ZFP62: variants seen among roughly 807,000 people sequenced by gnomAD.
The protein encoded by ZFP62 is ZFP62 zinc finger protein.
ZFP62 carries 44 observed loss-of-function variants against 56.4 expected under a neutral mutation model. That is an observed-to-expected ratio of 0.78 (90% CI 0.61 to 1.00). The LOEUF is 1.00. Ranked by LOEUF, ZFP62 falls within the 50% of genes least tolerant of loss-of-function variation. The probability of loss-of-function intolerance (pLI) is 0.00; values close to 1 mark genes in which losing one functional copy is unlikely to be tolerated. For synonymous variants in ZFP62, 421 were observed against 388.9 expected, an observed-to-expected ratio of 1.08 and a Z score of -0.97; for missense variants, 1,030 against 1,085.7, an observed-to-expected ratio of 0.95 and a Z score of 0.72.
chr5:180,852,354 G>A (rs529341571), intron 1 of ZFP62, among the ~76,000 whole-genome samples: 35 of 152,176 alleles, frequency 2.3e-4, no homozygotes, highest in Non-Finnish European at 4.4e-4. Flanking sequence ...TCAAGAGATC[G>A]AGACCATCCT....
chr5:180,850,751 A>G lies in ZFP62; in HGVS notation c.744T>C (p.Thr248=). 5 of 1,606,272 alleles carry G rather than the reference A, an allele frequency of 3.1e-6. No individual in the cohort carries two copies. The highest frequency in any genetic ancestry group is 4.3e-6 in the Non-Finnish European group (5 of 1,176,204). Residue 248 remains threonine (T), a synonymous_variant, in exon 2 of 2, where the codon ACT becomes ACC. Coordinates refer to ENST00000502412, the MANE Select transcript of ZFP62 (RefSeq NM_001172638.2). ...CACCACATTCATAGGGCTTCTCCCC[A>G]GTGTGGATCCTTTTATGCTGGTCCA... ...SVLDQHKRIH[T]GEKPYECGEC...
intron 1 of ZFP62, 40 bp from the exon 2 acceptor site, chr5:180,851,533 T>TAA (rs112485824): frequency 7.3e-5 from 107 of 1,460,018 alleles, no homozygotes; most frequent in African/African-American, 5.8e-4. Context: ...TTCACTCTCT[T>TAA]AAAAAAAAAC....
At chr5:180,829,782 G>A in the ZFP62 span, among the ~76,000 whole-genome samples, 7 of 152,192 alleles carry the variant, frequency 4.6e-5, no homozygotes, top group Admixed American at 1.3e-4. Context: ...CCTCGGAGCC[G>A]ACACTGAAAG....
At chr5:180,829,515 C>G in the ZFP62 span, among the ~76,000 whole-genome samples, 1 of 152,216 alleles carries the variant, frequency 6.6e-6, no homozygotes, top group African/African-American at 2.4e-5. Flanking sequence ...TCTTTGTACT[C>G]TTTATTTCTC....
chr5:180,855,599 TC>T (rs994201025), intron 1 of ZFP62, among the ~76,000 whole-genome samples: 1 of 152,024 alleles, frequency 6.6e-6, no homozygotes, highest in Non-Finnish European at 1.5e-5. Context: ...CTGCCCAGGA[TC>T]CCTCTCAATT....
At chr5:180,844,608 G>A (rs1294944719), downstream of ZFP62, among the ~76,000 whole-genome samples, 2 of 152,200 alleles carry the variant, frequency 1.3e-5, no homozygotes, top group Non-Finnish European at 2.9e-5. Flanking sequence ...AAAGGCAAGC[G>A]TGAGGCAGCC....
Position 180,851,100 on chromosome 5 carries a change from T to C in ZFP62, c.395A>G (p.Gln132Arg). The C allele has an allele frequency of 1.3e-6, 2 of 1,551,764 alleles. No individual in the cohort carries two copies. Among genetic ancestry groups the C allele is most frequent in the South Asian group, 1.2e-5 (1 of 84,064 alleles). Residue 132 changes from glutamine (Q) to arginine (R), a missense_variant, in exon 2 of 2, where the codon CAG becomes CGG. Coordinates refer to ENST00000502412, the MANE Select transcript of ZFP62 (RefSeq NM_001172638.2). ...TAATTTCTTAACAGCATTGGTTTTC[T>C]GCTGTAGACTAGGGTAGGAGGTTCC... ...INGTSYPSLQQKTNAVKKLHK... is the reference protein window; with the variant it reads ...INGTSYPSLQRKTNAVKKLHK...
At chr5:180,844,136 TTCA>T (rs1638435739), downstream of ZFP62, among the ~76,000 whole-genome samples, 4 of 152,238 alleles carry the variant, frequency 2.6e-5, no homozygotes, top group Admixed American at 2.6e-4. Context: ...TGTTTGCTGT[TTCA>T]TCAACTTTTG....
At chr5:180,839,277 T>TC in the ZFP62 span, among the ~76,000 whole-genome samples, 1 of 152,204 alleles carries the variant, frequency 6.6e-6, no homozygotes, top group African/African-American at 2.4e-5. Flanking sequence ...CTCAACTTCC[T>TC]CTCACATGCT....
In ZFP62 at chr5:180,849,439, A is replaced by T; in HGVS notation, c.2056T>A (p.Ser686Thr). 1 of 1,551,504 alleles carries T rather than the reference A, an allele frequency of 6.4e-7. No individual in the cohort carries two copies. The highest frequency in any genetic ancestry group is 1.4e-5 in the African/African-American group (1 of 73,138). ...DVCGKAYISH[S>T]SLINHKSTHP... Reference sequence around the variant, plus strand: ...GTACTCTTATGGTTAATAAGGCTTGAGTGTGAGATGTAGGCTTTTCCACAC... The same window carrying T: ...GTACTCTTATGGTTAATAAGGCTTGTGTGTGAGATGTAGGCTTTTCCACAC... The change falls in exon 2 of 2, where the codon TCA (serine) becomes ACA (threonine). Residue 686 changes from serine (S) to threonine (T), a missense_variant. Coordinates refer to ENST00000502412, the MANE Select transcript of ZFP62 (RefSeq NM_001172638.2).
chr5:180,837,818 A>G, the ZFP62 span, among the ~76,000 whole-genome samples: 1 of 152,084 alleles, frequency 6.6e-6, no homozygotes, highest in Non-Finnish European at 1.5e-5. Flanking sequence ...CTCCTTTTCA[A>G]TTTCTGTCAA....
the ZFP62 span, among the ~76,000 whole-genome samples, chr5:180,837,772 T>G: frequency 6.6e-6 from 1 of 152,192 alleles, no homozygotes; most frequent in African/African-American, 2.4e-5. Flanking sequence ...AAAACCAGCA[T>G]CCAGGCCCTC....
intron 1 of ZFP62, chr5:180,860,814 C>T: frequency 4.4e-6 from 1 of 228,070 alleles, no homozygotes; most frequent in Non-Finnish European, 8.5e-6. Context: ...AACTTAACTG[C>T]AGAGGGAGCA....
In ZFP62 at chr5:180,855,097, C is replaced by T. The variant is rs1023038615; in HGVS notation, c.2-3604G>A. 3.3e-5 allele frequency among the ~76,000 whole-genome samples: 5 copies of T among 152,146 alleles called. No homozygotes were observed. The East Asian group carries it at 9.7e-4, about 29-fold the overall frequency. Reference sequence around the variant, plus strand: ...CGCTGAAGTATTTAGGGATAAAGGGCCATGATGTATATAATTACCTACAAA... The same window carrying T: ...CGCTGAAGTATTTAGGGATAAAGGGTCATGATGTATATAATTACCTACAAA... On this transcript the variant is annotated intron_variant, in intron 1 of 1. Transcript: ENST00000502412.
downstream of ZFP62, among the ~76,000 whole-genome samples, chr5:180,846,293 C>T (rs1422786019): frequency 6.6e-6 from 1 of 152,202 alleles, no homozygotes; most frequent in Non-Finnish European, 1.5e-5. Context: ...TCAGAATCCC[C>T]ACCTGAGCTG....
At chr5:180,853,419 C>T (rs1773817009) in intron 1 of ZFP62, among the ~76,000 whole-genome samples, 1 of 152,110 alleles carries the variant, frequency 6.6e-6, no homozygotes, top group African/African-American at 2.4e-5. Context: ...AGGTTCATCA[C>T]CTACAAGGGA....
intron 1 of ZFP62, among the ~76,000 whole-genome samples, chr5:180,854,488 A>G (rs1773870976): frequency 6.6e-6 from 1 of 152,236 alleles, no homozygotes; most frequent in South Asian, 2.1e-4. Flanking sequence ...CTGGATCAGG[A>G]GAGAATCATC....
At chr5:180,836,964 T>A in the ZFP62 span, among the ~76,000 whole-genome samples, 1 of 152,356 alleles carries the variant, frequency 6.6e-6, no homozygotes, top group South Asian at 2.1e-4. Flanking sequence ...TGAATTTGAA[T>A]AGCTATAAAA....
At position 180,851,117 on chromosome 5, in the gene ZFP62, G is replaced by A. The variant is rs946987642; in HGVS notation, c.378C>T (p.Ser126=). The A allele has an allele frequency of 1.9e-6, 3 of 1,551,724 alleles. No homozygotes were observed. Residue 126 remains serine, a synonymous_variant, in exon 2 of 2, where the codon TCC becomes TCT. Transcript: ENST00000502412. ...GKRVENINGT[S]YPSLQQKTNA... ...TGGTTTTCTGCTGTAGACTAGGGTA[G>A]GAGGTTCCATTAATGTTCTCCACAC...
Sources: allele counts gnomAD v4.1 joint callset (sites outside exome capture counted in the v4.1 genomes callset), GRCh38; gene constraint gnomAD v4.1.1; transcripts MANE v1.5; gene names NCBI Gene and HGNC (gene_info 2026-07-23, HGNC 2026-07-21).